The following EXT1 variants were observed in gnomAD, a reference collection of about 807,000 sequenced individuals.
EXT1 encodes exostosin-1.
EXT1 carries 20 observed loss-of-function variants against 82.5 expected under a neutral mutation model. The observed-to-expected ratio is 0.24, with a 90% CI of 0.17 to 0.35. The LOEUF (loss-of-function observed/expected upper bound fraction) is 0.35, where lower values mean the gene tolerates loss of function less well. Among genes scored for constraint, EXT1 ranks in the 10% least tolerant of loss-of-function variants. The pLI, the probability that EXT1 is intolerant of heterozygous loss-of-function variation, is 1.00. For missense variants in EXT1, 757 were observed against 936.5 expected, an observed-to-expected ratio of 0.81 and a Z score of 2.50; for synonymous variants, 348 against 350.8, an observed-to-expected ratio of 0.99 and a Z score of 0.09.
chr8:118,046,669 A>G (rs1758152508), intron 1 of EXT1, among the ~76,000 whole-genome samples: 1 of 152,168 alleles, frequency 6.6e-6, no homozygotes, highest in Admixed American at 6.5e-5. Flanking sequence ...ACATTTATAT[A>G]CTTCCCTTCT....
At chr8:118,008,256 C>CTTTTTTTTTTTTTTTT (rs527887350) in intron 1 of EXT1, among the ~76,000 whole-genome samples, 1 of 151,356 alleles carries the variant, frequency 6.6e-6, no homozygotes, top group African/African-American at 2.4e-5. Context: ...GCATATTATA[C>CTTTTTTTTTTTTTTTT]TTTTTTTTGT....
At chr8:117,879,550 G>A (rs1170492073) in intron 1 of EXT1, among the ~76,000 whole-genome samples, 2 of 152,134 alleles carry the variant, frequency 1.3e-5, no homozygotes, top group Non-Finnish European at 2.9e-5. Context: ...GCAGGAGGAA[G>A]GAGACAGGTT....
chr8:117,959,190 C>T (rs186043093), intron 1 of EXT1, among the ~76,000 whole-genome samples: 65 of 152,280 alleles, frequency 4.3e-4, no homozygotes, highest in Middle Eastern at 6.8e-3. Context: ...AAGCTGCATG[C>T]CTTAGGGAAA....
intron 1 of EXT1, among the ~76,000 whole-genome samples, chr8:118,058,818 T>C (rs1816836051): frequency 6.6e-6 from 1 of 152,154 alleles, no homozygotes. Flanking sequence ...GATTAACGAA[T>C]GAATGGACTG....
At chr8:117,865,309 A>G (rs1223496324) in intron 1 of EXT1, among the ~76,000 whole-genome samples, 1 of 152,170 alleles carries the variant, frequency 6.6e-6, no homozygotes, top group East Asian at 1.9e-4. Flanking sequence ...CTGGGACTAC[A>G]GGTCTGCACC....
At chr8:118,017,143 C>T (rs569045552) in intron 1 of EXT1, among the ~76,000 whole-genome samples, 9 of 152,160 alleles carry the variant, frequency 5.9e-5, no homozygotes, top group African/African-American at 1.9e-4. Context: ...TACTGCTATC[C>T]GTTAGTCTGC....
At chr8:117,942,840 C>T (rs1253889798) in intron 1 of EXT1, among the ~76,000 whole-genome samples, 1 of 152,156 alleles carries the variant, frequency 6.6e-6, no homozygotes, top group Admixed American at 6.5e-5. Context: ...GATCCTAATT[C>T]TACAAGTTGA....
At chr8:118,058,686 A>G (rs1816833408) in intron 1 of EXT1, among the ~76,000 whole-genome samples, 1 of 152,214 alleles carries the variant, frequency 6.6e-6, no homozygotes, top group Non-Finnish European at 1.5e-5. Flanking sequence ...AAAATGTTTC[A>G]TATATATGTG....
At chr8:117,890,493 G>T (rs1359633819) in intron 1 of EXT1, among the ~76,000 whole-genome samples, 2 of 152,208 alleles carry the variant, frequency 1.3e-5, no homozygotes, top group African/African-American at 2.4e-5. Flanking sequence ...AGAAACTCTG[G>T]TCTTACATTG....
At chr8:117,847,892 G>A (rs1279649424) in intron 1 of EXT1, among the ~76,000 whole-genome samples, 1 of 110,136 alleles carries the variant, frequency 9.1e-6, no homozygotes, top group African/African-American at 2.9e-5. Flanking sequence ...AAAATATCTT[G>A]AGAATCCAAT....
rs187643601 is a variant in EXT1 at position 117,908,249 on chromosome 8, A to C, written c.963-71048T>G. Among the ~76,000 whole-genome samples the C allele has an allele frequency of 2.9e-4, 44 of 152,370 alleles. No homozygotes were observed. The East Asian group carries it at 7.3e-3, about 25-fold the overall frequency. On this transcript the variant is annotated intron_variant, in intron 1 of 10. Coordinates refer to ENST00000378204, the MANE Select transcript of EXT1 (RefSeq NM_000127.3). The stretch of plus-strand genomic sequence containing the variant: ...ATTATTTCCCAAAACTGCATTTACA[A>C]AGAATAAATGAAACTTAAAACTATT...
At chr8:118,012,612 C>T (rs17431353) in intron 1 of EXT1, among the ~76,000 whole-genome samples, 2 of 152,200 alleles carry the variant, frequency 1.3e-5, no homozygotes, top group African/African-American at 4.8e-5. Flanking sequence ...TCCAGCTCTG[C>T]GTCTCACTGC....
At chr8:117,930,141 G>T (rs2447538) in intron 1 of EXT1, among the ~76,000 whole-genome samples, 7 of 151,694 alleles carry the variant, frequency 4.6e-5, no homozygotes, top group African/African-American at 1.7e-4. Flanking sequence ...AAGAGGAAGA[G>T]TTTGCCAAAT....
At chr8:117,845,437 T>G (rs1206192648) in intron 1 of EXT1, among the ~76,000 whole-genome samples, 1 of 152,144 alleles carries the variant, frequency 6.6e-6, no homozygotes, top group African/African-American at 2.4e-5. Flanking sequence ...TTGCTACCTG[T>G]GTATATTAAT....
chr8:117,856,457 G>A (rs760923283), intron 1 of EXT1, among the ~76,000 whole-genome samples: 28 of 144,268 alleles, frequency 1.9e-4, no homozygotes, highest in South Asian at 4.5e-4. Flanking sequence ...TAGTAGAGAC[G>A]GGTTTTCATC....
chr8:118,028,223 G>C (rs764019300), intron 1 of EXT1, among the ~76,000 whole-genome samples: 1 of 152,222 alleles, frequency 6.6e-6, no homozygotes, highest in African/African-American at 2.4e-5. Flanking sequence ...TCTTCCCAGA[G>C]CTCCCAACAC....
At chr8:117,808,574 T>C (rs537567525) in intron 8 of EXT1, among the ~76,000 whole-genome samples, 11 of 152,322 alleles carry the variant, frequency 7.2e-5, no homozygotes, top group East Asian at 1.9e-4. Flanking sequence ...ATCTTTGCCG[T>C]ATCTCTTCTG....
At chr8:117,893,081 A>T (rs987279341) in intron 1 of EXT1, among the ~76,000 whole-genome samples, 13 of 152,258 alleles carry the variant, frequency 8.5e-5, no homozygotes, top group Non-Finnish European at 1.5e-4. Flanking sequence ...TACAGTACAC[A>T]TTATATATGA....
chr8:118,074,589 T>A (rs1163845595), intron 1 of EXT1, among the ~76,000 whole-genome samples: 1 of 141,112 alleles, frequency 7.1e-6, no homozygotes, highest in South Asian at 2.2e-4. Flanking sequence ...AAAAAAAAAG[T>A]CCCCACCAGA....
Sources: allele counts gnomAD v4.1 joint callset (sites outside exome capture counted in the v4.1 genomes callset), GRCh38; gene constraint gnomAD v4.1.1; transcripts MANE v1.5; gene names NCBI Gene and HGNC (gene_info 2026-07-23, HGNC 2026-07-21).